The following CAMK4 variants were observed in gnomAD, a reference collection of about 807,000 sequenced individuals.
The protein encoded by CAMK4 is calcium/calmodulin-dependent protein kinase type IV.
Under a neutral mutation model 44.9 loss-of-function variants are expected in CAMK4, and 22 were observed. The observed-to-expected ratio is 0.49, with a 90% CI of 0.35 to 0.70. CAMK4 has a LOEUF of 0.70. Ranked by LOEUF, CAMK4 falls within the 30% of genes least tolerant of loss-of-function variation. CAMK4 has a pLI of 0.01. For missense variants in CAMK4, 498 were observed against 586.8 expected (o/e 0.85, Z 1.56); for synonymous variants, 218 against 215.4 (o/e 1.01, Z -0.11).
At chr5:111,388,611 G>A (rs775117735) in intron 4 of CAMK4, among the ~76,000 whole-genome samples, 1 of 152,062 alleles carries the variant, frequency 6.6e-6, no homozygotes, top group Non-Finnish European at 1.5e-5. Flanking sequence ...TTTTCTCAGA[G>A]CTCTCAGGCC....
intron 1 of CAMK4, among the ~76,000 whole-genome samples, chr5:111,229,905 G>C (rs867331448): frequency 1.3e-5 from 2 of 152,186 alleles, no homozygotes; most frequent in Non-Finnish European, 2.9e-5. Flanking sequence ...TAAGCTTCCA[G>C]AAGGCAGAGT....
intron 5 of CAMK4, among the ~76,000 whole-genome samples, chr5:111,399,869 T>C (rs1171418142): frequency 3.9e-5 from 6 of 152,208 alleles, no homozygotes; most frequent in Non-Finnish European, 8.8e-5. Flanking sequence ...TGGGTATGCC[T>C]CAATATAGTA....
chr5:111,310,721 T>C (rs949168814), intron 1 of CAMK4, among the ~76,000 whole-genome samples: 1 of 152,216 alleles, frequency 6.6e-6, no homozygotes, highest in Non-Finnish European at 1.5e-5. Flanking sequence ...TTCTGAGCGA[T>C]TCCCTTAAGG....
intron 2 of CAMK4, among the ~76,000 whole-genome samples, chr5:111,344,382 T>A (rs1580624288): frequency 6.7e-6 from 1 of 149,280 alleles, no homozygotes; most frequent in Non-Finnish European, 1.5e-5. Flanking sequence ...ATATCAGGCA[T>A]GTTCTTGGAG....
At chr5:111,430,029 G>A (rs1753384193) in intron 5 of CAMK4, among the ~76,000 whole-genome samples, 1 of 151,442 alleles carries the variant, frequency 6.6e-6, no homozygotes, top group South Asian at 2.1e-4. Context: ...GAAAACTACA[G>A]GCCAGTATCT....
At chr5:111,320,328 A>G (rs1016594633) in intron 1 of CAMK4, among the ~76,000 whole-genome samples, 1 of 152,148 alleles carries the variant, frequency 6.6e-6, no homozygotes, top group Admixed American at 6.6e-5. Context: ...AGATTGTTCC[A>G]GTAGTACAAT....
chr5:111,269,082 C>A (rs969805065), intron 1 of CAMK4, among the ~76,000 whole-genome samples: 1 of 152,052 alleles, frequency 6.6e-6, no homozygotes, highest in Non-Finnish European at 1.5e-5. Flanking sequence ...TATTTTGATA[C>A]CAATAATGAT....
At chr5:111,334,668 C>T (rs1749322451) in intron 1 of CAMK4, among the ~76,000 whole-genome samples, 1 of 151,374 alleles carries the variant, frequency 6.6e-6, no homozygotes, top group Non-Finnish European at 1.5e-5. Context: ...TAGAGTTGCA[C>T]ACATTATATT....
intron 1 of CAMK4, chr5:111,266,231 CACACACACACAGAA>C (rs1345380829): frequency 1.9e-5 from 2 of 104,866 alleles, no homozygotes; most frequent in Admixed American, 2.0e-4. Flanking sequence ...CACACACACA[CACACACACACAGAA>C]AGAGAGAGAG....
chr5:111,453,203 T>C (rs1754296695), intron 7 of CAMK4, among the ~76,000 whole-genome samples: 1 of 152,196 alleles, frequency 6.6e-6, no homozygotes, highest in African/African-American at 2.4e-5. Flanking sequence ...TACACCTGTG[T>C]GTGGTAACAT....
At chr5:111,413,786 A>G (rs1752713943) in intron 5 of CAMK4, among the ~76,000 whole-genome samples, 1 of 152,112 alleles carries the variant, frequency 6.6e-6, no homozygotes, top group Non-Finnish European at 1.5e-5. Flanking sequence ...ATATTTTGTA[A>G]AATCACTACC....
rs191382706 is a variant in CAMK4, at chr5:111,259,317, C to A, written c.161+34673C>A. ...TCTAAATAAATGGAAAATGAATTTT[C>A]AATAAAACTGAGAGCAGTCAGAGAA... On this transcript the variant is annotated intron_variant, in intron 1 of 10. Coordinates refer to ENST00000282356, the MANE Select transcript of CAMK4 (RefSeq NM_001744.6). 9.9e-5 allele frequency among the ~76,000 whole-genome samples: 15 copies of A among 152,204 alleles called. 1 individual carries two copies. The highest frequency in any genetic ancestry group is 3.4e-3 in the Middle Eastern group (1 of 294).
intron 1 of CAMK4, among the ~76,000 whole-genome samples, chr5:111,330,189 T>C (rs926139243): frequency 6.6e-6 from 1 of 151,150 alleles, no homozygotes; most frequent in Non-Finnish European, 1.5e-5. Flanking sequence ...AAATAAGTTG[T>C]ATTTATATAT....
intron 1 of CAMK4, among the ~76,000 whole-genome samples, chr5:111,313,767 A>T (rs1748307422): frequency 6.6e-6 from 1 of 152,136 alleles, no homozygotes. Flanking sequence ...AGTGAATTTC[A>T]TCTGGAAGGA....
intron 4 of CAMK4, among the ~76,000 whole-genome samples, chr5:111,378,335 C>A (rs997500932): frequency 6.6e-6 from 1 of 152,124 alleles, no homozygotes; most frequent in African/African-American, 2.4e-5. Context: ...ACAGGTTATG[C>A]TATTTTTAAA....
At chr5:111,354,379 ATAAT>A (rs1750237000) in intron 2 of CAMK4, among the ~76,000 whole-genome samples, 1 of 151,978 alleles carries the variant, frequency 6.6e-6, no homozygotes, top group South Asian at 2.1e-4. Flanking sequence ...TATGGGAAGT[ATAAT>A]TAATAACACT....
chr5:111,259,722 C>T lies in CAMK4; in HGVS notation c.161+35078C>T, dbSNP rs115882134. On this transcript the variant is annotated intron_variant, in intron 1 of 10. Coordinates refer to ENST00000282356, the MANE Select transcript of CAMK4 (RefSeq NM_001744.6). ...AAAATGTGACTTACAAAAAGTTCCC[C>T]TGTATAAAACTAATTAAAAGTATTA... 5.0e-3 allele frequency among the ~76,000 whole-genome samples: 755 copies of T among 152,262 alleles called. 5 individuals carry two copies. Among genetic ancestry groups the T allele is most frequent in the Non-Finnish European group, 8.0e-3 (543 of 68,018 alleles).
chr5:111,392,959 G>A (rs1751863046), intron 4 of CAMK4, among the ~76,000 whole-genome samples: 1 of 151,990 alleles, frequency 6.6e-6, no homozygotes, highest in African/African-American at 2.4e-5. Context: ...TATCAAATAT[G>A]GTTAAATCCA....
At chr5:111,262,903 G>A (rs6594506) in intron 1 of CAMK4, among the ~76,000 whole-genome samples, 40,236 of 152,092 alleles carry the variant, frequency 0.26, 6,335 homozygotes, top group African/African-American at 0.44. Flanking sequence ...TTATCACACA[G>A]ACAGATACTT....
Sources: gnomAD v4.1 joint callset for allele counts (sites outside exome capture counted in the v4.1 genomes callset) on GRCh38, gnomAD v4.1.1 for gene constraint, MANE v1.5 for transcripts, NCBI Gene and HGNC (gene_info 2026-07-23, HGNC 2026-07-21) for gene names.